FAM20A: variants seen among roughly 807,000 people sequenced by gnomAD.
The protein encoded by FAM20A is pseudokinase FAM20A.
A neutral mutation model predicts 52.0 loss-of-function variants in FAM20A; 42 were observed. That is an observed-to-expected ratio of 0.81 (90% CI 0.63 to 1.04). The LOEUF (loss-of-function observed/expected upper bound fraction) is 1.04. FAM20A is among the 50% of genes least tolerant of loss of function. The pLI is 0.00. For synonymous variants in FAM20A, 304 were observed against 298.9 expected (o/e 1.02, Z -0.18); for missense variants, 742 against 712.7 (o/e 1.04, Z -0.47).
At chr17:68,539,802 G>C in intron 9 of FAM20A, 83 bp downstream of exon 9, 3 of 1,324,804 alleles carry the variant, frequency 2.3e-6, no homozygotes, top group Non-Finnish European at 3.2e-6. Context: ...CATTTGCAGG[G>C]CGTCTGTTTC....
At chr17:68,586,976 C>T (rs2088180120) in intron 1 of FAM20A, among the ~76,000 whole-genome samples, 1 of 152,116 alleles carries the variant, frequency 6.6e-6, no homozygotes, top group South Asian at 2.1e-4. Flanking sequence ...CTGCAACCTC[C>T]GCCTCTCAGA....
At position 68,539,350 on chromosome 17, in the gene FAM20A, A is replaced by G. The variant is rs2086192044; in HGVS notation, c.1348T>C (p.Ser450Pro). Residue 450 changes from serine to proline, a missense_variant, in exon 10 of 11, where the codon TCC becomes CCC. Ser to Pro is a moderately conservative substitution (Grantham distance 74). Coordinates refer to ENST00000592554, the MANE Select transcript of FAM20A (RefSeq NM_017565.4). ...AGGAAAACTTACATGCAGCACTGGG[A>G]GAGAGGCGAGAGGATGGAGATTTCA... ...HDEISILSPL[S>P]QCCMIKKKTL... The G allele has an allele frequency of 2.5e-6, 4 of 1,614,210 alleles. 1 individual carries two copies. The South Asian group carries it at 4.4e-5, about 18-fold the overall frequency.
intron 6 of FAM20A, among the ~76,000 whole-genome samples, 154 bp downstream of exon 6, chr17:68,542,540 C>A (rs1034817316): frequency 9.2e-5 from 14 of 152,132 alleles, no homozygotes; most frequent in African/African-American, 3.1e-4. Context: ...TATGGTCAGG[C>A]AGACCATGGT....
rs1598067648 is a variant in FAM20A at position 68,581,364 on chromosome 17, T to TTCTTTCTTTCTTTC, written c.404+18885_404+18898dup. Among the ~76,000 whole-genome samples, 4 of 135,356 alleles carry TTCTTTCTTTCTTTC rather than the reference T, an allele frequency of 3.0e-5. No homozygotes were observed. The East Asian group carries it at 6.4e-4, about 22-fold the overall frequency. 88.8% of individuals were successfully genotyped at this position (135,356 alleles called of 152,430 possible). ...CGAAATGCAGTTTTTCTTTCTTTCT[T>TTCTTTCTTTCTTTC]TCTTTCTTTCTTTCTTTCTTTCTTT... On this transcript the variant is annotated intron_variant, in intron 1 of 10. Coordinates refer to ENST00000592554, the MANE Select transcript of FAM20A (RefSeq NM_017565.4).
At chr17:68,583,048 C>T (rs2952308) in intron 1 of FAM20A, among the ~76,000 whole-genome samples, 42,656 of 151,144 alleles carry the variant, frequency 0.28, 6,402 homozygotes, top group Middle Eastern at 0.34. Flanking sequence ...CCTCGTGATC[C>T]GCCCACCTCG....
intron 1 of FAM20A, among the ~76,000 whole-genome samples, chr17:68,598,449 T>G (rs2088519722): frequency 2.0e-5 from 3 of 152,238 alleles, no homozygotes; most frequent in Admixed American, 2.0e-4. Context: ...GTGCAGCGGG[T>G]CCTCCTGTTG....
At chr17:68,568,207 C>A (rs944504588) in intron 1 of FAM20A, among the ~76,000 whole-genome samples, 2 of 151,906 alleles carry the variant, frequency 1.3e-5, no homozygotes, top group Non-Finnish European at 2.9e-5. Context: ...CAGTGGCTCA[C>A]GCCTGTAATC....
intron 1 of FAM20A, among the ~76,000 whole-genome samples, chr17:68,594,014 G>GC (rs1298454849): frequency 6.6e-6 from 1 of 152,200 alleles, no homozygotes; most frequent in East Asian, 1.9e-4. Flanking sequence ...GGATTCTGAA[G>GC]CCAGACCCTT....
intron 1 of FAM20A, among the ~76,000 whole-genome samples, chr17:68,563,073 GT>G (rs1291685087): frequency 1.3e-5 from 2 of 152,054 alleles, no homozygotes; most frequent in Admixed American, 1.3e-4. Flanking sequence ...TTAGGACTAA[GT>G]TTTTAAGCTG....
At position 68,568,150 on chromosome 17, in the gene FAM20A, A is replaced by C. The variant is rs530538676; in HGVS notation, c.405-12407T>G. ...CTGAGTTTACTAAGGCTGCCATAAC[A>C]CATGACCTCAAACTTGATCATTTAA... On this transcript the variant is annotated intron_variant, in intron 1 of 10. Transcript: ENST00000592554. Among the ~76,000 whole-genome samples, 947 of 152,034 alleles carry C rather than the reference A, an allele frequency of 6.2e-3. 31 individuals are homozygous for C. The highest frequency in any genetic ancestry group is 0.021 in the African/African-American group (876 of 41,290).
At chr17:68,579,253 C>T (rs1158839521) in intron 1 of FAM20A, among the ~76,000 whole-genome samples, 3 of 151,964 alleles carry the variant, frequency 2.0e-5, no homozygotes, top group South Asian at 4.2e-4. Context: ...CACCAGAAAC[C>T]GAGTCTCAGC....
chr17:68,559,276 AT>A (rs1348036580), intron 1 of FAM20A, among the ~76,000 whole-genome samples: 2 of 152,198 alleles, frequency 1.3e-5, no homozygotes, highest in Admixed American at 6.5e-5. Context: ...CCTAAGTAAT[AT>A]TTTTTATTAG....
intron 1 of FAM20A, among the ~76,000 whole-genome samples, chr17:68,593,710 T>C (rs2088372218): frequency 6.6e-6 from 1 of 152,230 alleles, no homozygotes; most frequent in East Asian, 1.9e-4. Flanking sequence ...TCCACAGATA[T>C]TTACTCTGGC....
At position 68,542,115 on chromosome 17, in the gene FAM20A, ACTC is replaced by A. The variant is rs1354076594; in HGVS notation, c.976_978del (p.Glu326del). On this transcript the variant is annotated inframe_deletion, in exon 7 of 11. Coordinates refer to ENST00000592554, the MANE Select transcript of FAM20A (RefSeq NM_017565.4). ...AGGTGTGGGTTGCCACAGACAGCAT[ACTC>A]CGTCTTGCACATGTATGGACACTTG... The A allele has an allele frequency of 3.7e-6, 6 of 1,613,974 alleles. No individual in the cohort carries two copies. The highest frequency in any genetic ancestry group is 5.1e-6 in the Non-Finnish European group (6 of 1,180,016).
rs1306237150 is a variant in FAM20A, at chr17:68,535,648, A to C, written c.*1829T>G. 1 of 452,292 alleles carries C rather than the reference A, an allele frequency of 2.2e-6. No individual in the cohort carries two copies. The highest frequency in any genetic ancestry group is 4.4e-6 in the Non-Finnish European group (1 of 226,448). The allele number at this position is 452,292 out of a possible 1,614,324, so 28.0% of individuals were successfully genotyped here. A position where few individuals can be genotyped will look rare whatever the true frequency, so the allele number is the denominator to read the frequency against. ...TCTTTGGGATTAAGGTTTCTCTGTT[A>C]AAGAGTTGATTTAAAAAAAAATTTT... On this transcript the variant is annotated 3_prime_UTR_variant, in exon 11 of 11. Transcript: ENST00000592554.
At position 68,540,957 on chromosome 17, in the gene FAM20A, A is replaced by C. The variant is rs777813454; in HGVS notation, c.1111T>G (p.Trp371Gly). 6.3e-7 allele frequency: 1 copy of C among 1,583,256 alleles called. No homozygotes were observed. Among genetic ancestry groups the C allele is most frequent in the Non-Finnish European group, 8.6e-7 (1 of 1,163,084 alleles). ...RSYTLAGKEEWEVNPLYCDTV... is the reference protein window; with the variant it reads ...RSYTLAGKEEGEVNPLYCDTV... Reference sequence around the variant, plus strand: ...TCACAGTAAAGGGGATTGACCTCCCACCTGAGGGGGAGAAGAAGTCCTGGG... The same window carrying C: ...TCACAGTAAAGGGGATTGACCTCCCCCCTGAGGGGGAGAAGAAGTCCTGGG... Residue 371 changes from tryptophan (W) to glycine (G), a missense_variant and splice_region_variant, in exon 8 of 11, where the codon TGG becomes GGG. Coordinates refer to ENST00000592554, the MANE Select transcript of FAM20A (RefSeq NM_017565.4).
At chr17:68,538,654 G>A (rs2086166314) in intron 10 of FAM20A, among the ~76,000 whole-genome samples, 1 of 152,220 alleles carries the variant, frequency 6.6e-6, no homozygotes, top group Admixed American at 6.5e-5. Flanking sequence ...TTGCTTAGAT[G>A]GTGATCAAGT....
At chr17:68,593,385 T>C (rs2088364971) in intron 1 of FAM20A, among the ~76,000 whole-genome samples, 1 of 152,258 alleles carries the variant, frequency 6.6e-6, no homozygotes, top group African/African-American at 2.4e-5. Context: ...ACTTCTTGGC[T>C]GCTCTTCCTC....
intron 1 of FAM20A, among the ~76,000 whole-genome samples, chr17:68,589,697 G>T (rs1470261307): frequency 6.6e-6 from 1 of 152,028 alleles, no homozygotes; most frequent in Non-Finnish European, 1.5e-5. Flanking sequence ...CTTTTCAAAA[G>T]AAATATTATA....
Sources: allele counts gnomAD v4.1 joint callset (sites outside exome capture counted in the v4.1 genomes callset), GRCh38; gene constraint gnomAD v4.1.1; transcripts MANE v1.5; gene names NCBI Gene and HGNC (gene_info 2026-07-23, HGNC 2026-07-21).